Variants in SLC17A9 observed in about 807,000 individuals in gnomAD.
The protein encoded by SLC17A9 is solute carrier family 17 member 9, also known as voltage-gated purine nucleotide uniporter SLC17A9.
In SLC17A9, 49 loss-of-function variants were observed where a neutral mutation model predicts 55.0. The observed-to-expected ratio is 0.89, with a 90% CI of 0.71 to 1.13. The LOEUF (loss-of-function observed/expected upper bound fraction) is 1.13. Among genes scored for constraint, SLC17A9 ranks in the 50% most tolerant of loss-of-function variants. The pLI, the probability that SLC17A9 is intolerant of heterozygous loss-of-function variation, is 0.00. For missense variants in SLC17A9, 526 were observed against 569.3 expected, an observed-to-expected ratio of 0.92 and a Z score of 0.77; for synonymous variants, 256 against 247.4, an observed-to-expected ratio of 1.03 and a Z score of -0.32.
chr20:62,963,354 G>A lies in SLC17A9; in HGVS notation c.710G>A (p.Arg237Gln), dbSNP rs781674933. The A allele has an allele frequency of 1.6e-5, 26 of 1,613,400 alleles. No homozygotes were observed. The Middle Eastern group carries it at 4.9e-4, about 31-fold the overall frequency. ...HNRVPWRRLF[R>Q]KPAVWAAVVS... The stretch of plus-strand genomic sequence containing the variant: ...AGAGTCCCCTGGAGACGGCTCTTCC[G>A]GAAGCCTGCTGTCTGGTGAGCTGGG... The change falls in exon 6 of 13, where the codon CGG becomes CAG. Residue 237 changes from arginine to glutamine, a missense_variant. Physicochemically the swap from Arg to Gln is conservative, Grantham distance 43. Coordinates refer to ENST00000370351, the MANE Select transcript of SLC17A9 (RefSeq NM_022082.4).
At chr20:62,957,360 A>T in intron 2 of SLC17A9, 81 bp from the exon 3 acceptor site, 3 of 1,508,320 alleles carry the variant, frequency 2.0e-6, no homozygotes, top group Non-Finnish European at 2.7e-6. Context: ...CTGAGCACCC[A>T]CTCAAGGGCT....
At position 62,952,757 on chromosome 20, in the gene SLC17A9, G is replaced by T. The variant is rs895795285; in HGVS notation, c.-74G>T. ...CACGTGGACTTGGGCGGTGCTGCCC[G>T]GGTGGGTCAGCCTGGGCTGGGAGGC... On this transcript the variant is annotated 5_prime_UTR_variant, in exon 1 of 13. Coordinates refer to ENST00000370351, the MANE Select transcript of SLC17A9 (RefSeq NM_022082.4). The T allele has an allele frequency of 1.4e-6, 2 of 1,469,750 alleles. No individual in the cohort carries two copies. Among genetic ancestry groups the T allele is most frequent in the East Asian group, 5.0e-5 (2 of 39,770 alleles). 91.0% of individuals were successfully genotyped at this position (1,469,750 alleles called of 1,614,324 possible).
chr20:62,957,185 C>T (rs1473611518), intron 2 of SLC17A9: 1 of 984,882 alleles, frequency 1.0e-6, no homozygotes, highest in African/African-American at 1.8e-5. Flanking sequence ...AGAAGACCCC[C>T]CCAGAGGAAG....
Position 62,966,523 on chromosome 20 carries a change from A to G in SLC17A9, c.1062-2A>G, listed in dbSNP as rs1299055788. The G allele has an allele frequency of 1.2e-6, 2 of 1,613,786 alleles. No homozygotes were observed. The highest frequency in any genetic ancestry group is 1.7e-6 in the Non-Finnish European group (2 of 1,179,846). ...ACTCACCACCCTCTTTCCTCCCCAC[A>G]GTGGCATTTCTGTTAACATCCAGGA... On this transcript the variant is annotated splice_acceptor_variant, in intron 10 of 12. Coordinates refer to ENST00000370351, the MANE Select transcript of SLC17A9 (RefSeq NM_022082.4). LOFTEE classifies it high-confidence loss of function.
At chr20:62,963,234 G>T (rs187973091) in intron 5 of SLC17A9, 39 bp from the exon 6 acceptor site, 2 of 1,603,076 alleles carry the variant, frequency 1.2e-6, no homozygotes, top group East Asian at 2.2e-5. Context: ...GGCGCCTCCC[G>T]CCCTGATAGC....
chr20:62,966,535 G>A lies in SLC17A9; in HGVS notation c.1072G>A (p.Val358Ile), dbSNP rs1276453408. 1 of 1,613,886 alleles carries A rather than the reference G, an allele frequency of 6.2e-7. No homozygotes were observed. Among genetic ancestry groups the A allele is most frequent in the Non-Finnish European group, 8.5e-7 (1 of 1,179,936 alleles). The change falls in exon 11 of 13, where the codon GTT becomes ATT. Residue 358 changes from valine (V) to isoleucine (I), a missense_variant. Physicochemically the swap from Val to Ile is conservative, Grantham distance 29. Coordinates refer to ENST00000370351, the MANE Select transcript of SLC17A9 (RefSeq NM_022082.4). ...CTTTCCTCCCCACAGTGGCATTTCT[G>A]TTAACATCCAGGACTTGGCCCCGTC... ...LQTFNHSGISVNIQDLAPSCA... is the reference protein window; with the variant it reads ...LQTFNHSGISINIQDLAPSCA...
chr20:62,955,293 A>G lies in SLC17A9; in HGVS notation c.60-1472A>G, dbSNP rs991395943. The stretch of plus-strand genomic sequence containing the variant: ...CTCCCAAGTAGCTGGGATTACAGGC[A>G]CCCGCCACTACGCCTGGCTAATTTT... On this transcript the variant is annotated intron_variant, in intron 1 of 12. Coordinates refer to ENST00000370351, the MANE Select transcript of SLC17A9 (RefSeq NM_022082.4). Among the ~76,000 whole-genome samples the G allele has an allele frequency of 1.6e-4, 24 of 147,274 alleles. No individual in the cohort carries two copies. The South Asian group carries it at 3.0e-3, about 19-fold the overall frequency.
chr20:62,960,432 A>C (rs1466872776), intron 3 of SLC17A9, 72 bp from the exon 4 acceptor site: 2 of 1,441,926 alleles, frequency 1.4e-6, no homozygotes, highest in African/African-American at 2.8e-5. Flanking sequence ...ATCACAGCCC[A>C]AACCTGAGCA....
In SLC17A9 at chr20:62,962,773, GC is replaced by G; in HGVS notation, c.628+20del. On this transcript the variant is annotated intron_variant, in intron 5 of 12. Transcript: ENST00000370351. The surrounding 1 kb of genome is among the most constrained non-coding windows in gnomAD (Gnocchi z 5.5). ...GAAAAAGGTAACGCAGGCCGGGCGG[GC>G]TAGTCCCGGGCGCCCACAGCTGCCC... is the stretch of plus-strand genomic sequence containing the variant. 2 of 1,612,486 alleles carry G rather than the reference GC, an allele frequency of 1.2e-6. No individual in the cohort carries two copies. Among genetic ancestry groups the G allele is most frequent in the Non-Finnish European group, 1.7e-6 (2 of 1,179,052 alleles).
At position 62,967,512 on chromosome 20, in the gene SLC17A9, A is replaced by G. The variant is rs757010275; in HGVS notation, c.*12A>G. 3 of 1,611,458 alleles carry G rather than the reference A, an allele frequency of 1.9e-6. No homozygotes were observed. The South Asian group carries it at 3.3e-5, about 18-fold the overall frequency. On this transcript the variant is annotated 3_prime_UTR_variant, in exon 13 of 13. Coordinates refer to ENST00000370351, the MANE Select transcript of SLC17A9 (RefSeq NM_022082.4). The stretch of plus-strand genomic sequence containing the variant: ...ATGAGGACCTCTAGCTCCCAACCCC[A>G]CAGCCTCTCCAAGGACCCAGGCGCC...
chr20:62,952,718 C>T lies in SLC17A9; in HGVS notation c.-113C>T, dbSNP rs1051760149. ...AAGTCCTGAGAGAACCAGACGGAAG[C>T]GCGCTGGGACTGACACGTGGACTTG... On this transcript the variant is annotated 5_prime_UTR_variant, in exon 1 of 13. Coordinates refer to ENST00000370351, the MANE Select transcript of SLC17A9 (RefSeq NM_022082.4). The T allele has an allele frequency of 1.0e-5, 12 of 1,144,114 alleles. No homozygotes were observed. The East Asian group carries it at 1.1e-4, about 11-fold the overall frequency. The allele number at this position is 1,144,114 out of a possible 1,614,324, so 70.9% of individuals were successfully genotyped here.
rs1300675553 is a variant in SLC17A9 at position 62,968,531 on chromosome 20, C to A, written c.*1031C>A. On this transcript the variant is annotated 3_prime_UTR_variant, in exon 13 of 13. Coordinates refer to ENST00000370351, the MANE Select transcript of SLC17A9 (RefSeq NM_022082.4). ...CAAGGTGTACACATAGAGAAAAAAA[C>A]CTAAAAATGTGGAAAAGCACGCCAA... 1 of 152,178 alleles carries A rather than the reference C, an allele frequency of 6.6e-6. No homozygotes were observed. Among genetic ancestry groups the A allele is most frequent in the Non-Finnish European group, 1.5e-5 (1 of 68,038 alleles). The allele number at this position is 152,178 out of a possible 1,614,324, so 9.4% of individuals were successfully genotyped here. A position where few individuals can be genotyped will look rare whatever the true frequency, so the allele number is the denominator to read the frequency against.
At position 62,958,101 on chromosome 20, in the gene SLC17A9, A is replaced by G. The variant is rs1490586367; in HGVS notation, c.397+521A>G. 6.6e-6 allele frequency among the ~76,000 whole-genome samples: 1 copy of G among 152,074 alleles called. No homozygotes were observed. Among genetic ancestry groups the G allele is most frequent in the Non-Finnish European group, 1.5e-5 (1 of 67,998 alleles). On this transcript the variant is annotated intron_variant, in intron 3 of 12. Transcript: ENST00000370351. This position sits in a 1 kb window ranked among gnomAD's most constrained non-coding sequence, Gnocchi z 4.1. The stretch of plus-strand genomic sequence containing the variant: ...TATGTGTGTGTGCGTTCCTGTATCC[A>G]TGTGTATGTGCGTATGCGTGCCCAT...
chr20:62,954,375 C>T (rs540628234), intron 1 of SLC17A9, among the ~76,000 whole-genome samples: 5 of 152,340 alleles, frequency 3.3e-5, no homozygotes, highest in Admixed American at 6.5e-5. Flanking sequence ...TCGCCTGGCC[C>T]GGCCCCGCAC....
At chr20:62,953,383 C>A (rs917422158) in intron 1 of SLC17A9, 17 of 1,329,134 alleles carry the variant, frequency 1.3e-5, no homozygotes, top group Non-Finnish European at 1.8e-5. Context: ...GCTCTCGGAG[C>A]ATTTGGTGGT....
In SLC17A9 at chr20:62,962,549, G is replaced by C; in HGVS notation, c.498-75G>C. ...CCAGGGGCTCAGCCTGCACCAGGGT[G>C]GGGTTTCTGAGAGGCCCCTCCTCAC... On this transcript the variant is annotated intron_variant, in intron 4 of 12. Transcript: ENST00000370351. This position sits in a 1 kb window ranked among gnomAD's most constrained non-coding sequence, Gnocchi z 5.5. 6.4e-7 allele frequency: 1 copy of C among 1,553,802 alleles called. No homozygotes were observed. Among genetic ancestry groups the C allele is most frequent in the Non-Finnish European group, 8.7e-7 (1 of 1,150,578 alleles).
Position 62,962,531 on chromosome 20 carries a change from C to G in SLC17A9, c.498-93C>G. The G allele has an allele frequency of 1.3e-6, 2 of 1,501,508 alleles. No homozygotes were observed. Among genetic ancestry groups the G allele is most frequent in the Non-Finnish European group, 1.8e-6 (2 of 1,117,090 alleles). The allele number at this position is 1,501,508 out of a possible 1,614,324, so 93.0% of individuals were successfully genotyped here. On this transcript the variant is annotated intron_variant, in intron 4 of 12. Coordinates refer to ENST00000370351, the MANE Select transcript of SLC17A9 (RefSeq NM_022082.4). This position sits in a 1 kb window ranked among gnomAD's most constrained non-coding sequence, Gnocchi z 5.5. ...ATGAAAACACCCTCTTCTCCAGGGG[C>G]TCAGCCTGCACCAGGGTGGGGTTTC... is the stretch of plus-strand genomic sequence containing the variant.
intron 3 of SLC17A9, among the ~76,000 whole-genome samples, chr20:62,957,893 A>G (rs567661984): frequency 5.7e-4 from 86 of 151,040 alleles, no homozygotes; most frequent in Non-Finnish European, 1.0e-3. Context: ...GCCCGCGTGC[A>G]TGCGTGCACC....
chr20:62,965,657 C>T lies in SLC17A9; in HGVS notation c.993C>T (p.His331=). The change falls in exon 10 of 13, where the codon CAC becomes CAT. Residue 331 remains histidine, a synonymous_variant. Transcript: ENST00000370351. ...GCGTCTTTGCTCTGTGCCTGGGCCACACCTCCAGCTTCTGTGAGTCTGTGG... is the reference window on the plus strand; with the variant it reads ...GCGTCTTTGCTCTGTGCCTGGGCCATACCTCCAGCTTCTGTGAGTCTGTGG... ...LSSVFALCLG[H]TSSFCESVVF... The T allele has an allele frequency of 6.2e-7, 1 of 1,614,018 alleles. No homozygotes were observed. The highest frequency in any genetic ancestry group is 8.5e-7 in the Non-Finnish European group (1 of 1,180,024).
Sources: gnomAD v4.1 joint callset for allele counts (sites outside exome capture counted in the v4.1 genomes callset) on GRCh38, gnomAD v4.1.1 for gene constraint, Gnocchi (gnomAD v3.1) non-coding constraint, MANE v1.5 for transcripts, NCBI Gene and HGNC (gene_info 2026-07-23, HGNC 2026-07-21) for gene names.